Variants in CYFIP1 observed in about 807,000 individuals in gnomAD.
CYFIP1 encodes cytoplasmic FMR1 interacting protein 1.
CYFIP1 carries 58 observed loss-of-function variants against 163.5 expected under a neutral mutation model. That is an observed-to-expected ratio of 0.35 (90% CI 0.29 to 0.44). CYFIP1 has a LOEUF of 0.44. CYFIP1 is among the 20% of genes least tolerant of loss of function. CYFIP1 has a pLI of 1.00. For missense variants in CYFIP1, 1,338 were observed against 1,653.8 expected, an observed-to-expected ratio of 0.81 and a Z score of 3.31; for synonymous variants, 663 against 660.7, an observed-to-expected ratio of 1.00 and a Z score of -0.05.
intron 25 of CYFIP1, among the ~76,000 whole-genome samples, chr15:22,881,540 A>G (rs918277118): frequency 3.3e-5 from 5 of 151,958 alleles, no homozygotes; most frequent in African/African-American, 1.2e-4. Flanking sequence ...TCAAGTCCCT[A>G]TAGGCCCAGC....
intron 10 of CYFIP1, among the ~76,000 whole-genome samples, chr15:22,932,720 C>A (rs1186400332): frequency 6.6e-6 from 1 of 152,156 alleles, no homozygotes; most frequent in Non-Finnish European, 1.5e-5. Context: ...TGCCTGCCAG[C>A]ATCTGGAACT....
intron 13 of CYFIP1, among the ~76,000 whole-genome samples, chr15:22,923,769 C>G (rs1486254132): frequency 6.6e-6 from 1 of 151,396 alleles, no homozygotes; most frequent in Non-Finnish European, 1.5e-5. Flanking sequence ...ACAGTGAGAC[C>G]CCATCTCTAC....
rs1398420922 is a variant in CYFIP1, at chr15:22,867,852, G to GTT, written c.*2174_*2175dup. On this transcript the variant is annotated 3_prime_UTR_variant, in exon 31 of 31. Transcript: ENST00000617928. ...ATATTTTGGTTTCTAGAAAATGTTT[G>GTT]TTTATGAAGAAGTCGATGGAAAACT... 2 of 152,110 alleles carry GTT rather than the reference G, an allele frequency of 1.3e-5. No individual in the cohort carries two copies. The highest frequency in any genetic ancestry group is 1.9e-4 in the East Asian group (1 of 5,196). 9.4% of individuals were successfully genotyped at this position (152,110 alleles called of 1,614,324 possible). A position where few individuals can be genotyped will look rare whatever the true frequency, so the allele number is the denominator to read the frequency against.
chr15:22,962,800 C>G (rs544221796), intron 1 of CYFIP1, among the ~76,000 whole-genome samples: 2 of 152,232 alleles, frequency 1.3e-5, no homozygotes, highest in African/African-American at 4.8e-5. Context: ...ATACTGTGCC[C>G]ACTGCTATTA....
chr15:22,958,235 G>A (rs958462674), intron 1 of CYFIP1, among the ~76,000 whole-genome samples: 22 of 151,848 alleles, frequency 1.4e-4, no homozygotes, highest in African/African-American at 4.1e-4. Flanking sequence ...ACAGGCACCC[G>A]CCACCACACC....
intron 13 of CYFIP1, among the ~76,000 whole-genome samples, chr15:22,921,262 G>A (rs2142135840): frequency 6.6e-6 from 1 of 152,134 alleles, no homozygotes; most frequent in South Asian, 2.1e-4. Flanking sequence ...CAGCTACTTG[G>A]GAGGCTAAGG....
chr15:22,883,310 T>A (rs886140655), intron 23 of CYFIP1, among the ~76,000 whole-genome samples: 4 of 151,972 alleles, frequency 2.6e-5, no homozygotes, highest in African/African-American at 9.7e-5. Flanking sequence ...CGACCCAGAG[T>A]TTCCCCCTGC....
intron 1 of CYFIP1, among the ~76,000 whole-genome samples, chr15:22,971,518 C>T (rs892721260): frequency 1.3e-5 from 2 of 151,956 alleles, no homozygotes; most frequent in African/African-American, 4.8e-5. Flanking sequence ...GCTAAAAATA[C>T]AAAATTAGCC....
chr15:22,882,732 TG>T, intron 24 of CYFIP1, 135 bp downstream of exon 24: 3 of 965,422 alleles, frequency 3.1e-6, no homozygotes, highest in Non-Finnish European at 4.6e-6. Context: ...AAACTATATA[TG>T]GTCAGAAATG....
chr15:22,932,256 G>A lies in CYFIP1; in HGVS notation c.1077C>T (p.Phe359=). ...MIQIREDHMR[F]ISELARYSNS... The stretch of plus-strand genomic sequence containing the variant: ...TGCTGTAGCGCGCCAGCTCCGAAAT[G>A]AAGCGCATGTGGTCCTCGCGGATCT... The change falls in exon 11 of 31, where the codon TTC becomes TTT. Residue 359 remains phenylalanine (F), a synonymous_variant. Transcript: ENST00000617928. 6.2e-7 allele frequency: 1 copy of A among 1,612,944 alleles called. No individual in the cohort carries two copies. Among genetic ancestry groups the A allele is most frequent in the Non-Finnish European group, 8.5e-7 (1 of 1,179,524 alleles).
At chr15:22,913,527 C>CAAAAAAA (rs35228444) in intron 17 of CYFIP1, among the ~76,000 whole-genome samples, 4 of 10,282 alleles carry the variant, frequency 3.9e-4, no homozygotes, top group South Asian at 4.2e-3. Flanking sequence ...GGCTCTGTCT[C>CAAAAAAA]AAAAAAAAAA....
In CYFIP1 at chr15:22,944,895, G is replaced by A. The variant is rs771758888; in HGVS notation, c.252C>T (p.Tyr84=). The change falls in exon 4 of 31, where the codon TAC becomes TAT. Residue 84 remains tyrosine (Y), a synonymous_variant. Coordinates refer to ENST00000617928, the MANE Select transcript of CYFIP1 (RefSeq NM_014608.6). ...EEGQEYAVML[Y]TWRSCSRAIP... Reference sequence around the variant, plus strand: ...TGGCCCGGGAGCAGCTCCTCCAGGTGTACAGCATGACAGCATATTCTTGGC... The same window carrying A: ...TGGCCCGGGAGCAGCTCCTCCAGGTATACAGCATGACAGCATATTCTTGGC... 3.1e-6 allele frequency: 5 copies of A among 1,614,110 alleles called. No individual in the cohort carries two copies. The highest frequency in any genetic ancestry group is 1.3e-5 in the African/African-American group (1 of 75,024).
intron 16 of CYFIP1, 151 bp from the exon 17 acceptor site, chr15:22,915,033 GGCCTT>G (rs2060922656): frequency 1.4e-6 from 1 of 699,562 alleles, no homozygotes; most frequent in Non-Finnish European, 2.2e-6. Context: ...GGGTCACCGG[GGCCTT>G]GCACTAGGGA....
At chr15:22,883,783 C>G (rs1212417363) in intron 23 of CYFIP1, among the ~76,000 whole-genome samples, 1 of 142,090 alleles carries the variant, frequency 7.0e-6, no homozygotes. Context: ...CGCCACTGCA[C>G]TCCAGCCCGG....
At chr15:22,912,916 G>A (rs993818922) in intron 17 of CYFIP1, among the ~76,000 whole-genome samples, 1 of 151,772 alleles carries the variant, frequency 6.6e-6, no homozygotes, top group East Asian at 1.9e-4. Context: ...GTGAGACCCT[G>A]TCCAAAAAAA....
chr15:22,939,378 C>A lies in CYFIP1; in HGVS notation c.666+33G>T, dbSNP rs769549887. On this transcript the variant is annotated intron_variant, in intron 7 of 30. Coordinates refer to ENST00000617928, the MANE Select transcript of CYFIP1 (RefSeq NM_014608.6). ...CCCGGCGCCCGGCCGGCTGCTTGGC[C>A]CATCAACCTGAGTGTGCAAACACCA... 1.9e-6 allele frequency: 3 copies of A among 1,613,976 alleles called. No individual in the cohort carries two copies. The South Asian group carries it at 3.3e-5, about 18-fold the overall frequency.
intron 1 of CYFIP1, among the ~76,000 whole-genome samples, chr15:22,975,736 G>C (rs188459469): frequency 4.6e-5 from 7 of 152,266 alleles, no homozygotes; most frequent in Admixed American, 3.9e-4. Context: ...TCTATCCTGG[G>C]CAATAAGAGC....
chr15:22,890,665 C>T (rs1028340974), intron 23 of CYFIP1, among the ~76,000 whole-genome samples: 2 of 151,310 alleles, frequency 1.3e-5, no homozygotes, highest in Non-Finnish European at 2.9e-5. Flanking sequence ...CAGCGGAGGC[C>T]GCACCTGCCA....
rs113660307 is a variant in CYFIP1 at position 22,932,214 on chromosome 15, G to C, written c.1110+9C>G. 1 of 1,602,340 alleles carries C rather than the reference G, an allele frequency of 6.2e-7. No homozygotes were observed. The highest frequency in any genetic ancestry group is 8.5e-7 in the Non-Finnish European group (1 of 1,173,024). On this transcript the variant is annotated intron_variant, in intron 11 of 30. Transcript: ENST00000617928. Reference sequence around the variant, plus strand: ...GGGTGCCTGTGCAGCTCCAGGTCGCGGGGCGCACCTCGCTGTTGCTGTAGC... The same window carrying C: ...GGGTGCCTGTGCAGCTCCAGGTCGCCGGGCGCACCTCGCTGTTGCTGTAGC...
Sources: gnomAD v4.1 joint callset for allele counts (sites outside exome capture counted in the v4.1 genomes callset) on GRCh38, gnomAD v4.1.1 for gene constraint, MANE v1.5 for transcripts, NCBI Gene and HGNC (gene_info 2026-07-23, HGNC 2026-07-21) for gene names.